GATAD2A: variants seen among roughly 807,000 people sequenced by gnomAD.
GATAD2A encodes transcriptional repressor p66-alpha.
Under a neutral mutation model 68.5 loss-of-function variants are expected in GATAD2A, and 12 were observed. The ratio of observed to expected loss-of-function variants is 0.18; its 90% CI spans 0.11 to 0.28. The LOEUF is 0.28. Among genes scored for constraint, GATAD2A ranks in the 10% least tolerant of loss-of-function variants. GATAD2A has a pLI of 1.00. For synonymous variants in GATAD2A, 410 were observed against 375.3 expected, an observed-to-expected ratio of 1.09 and a Z score of -1.07; for missense variants, 755 against 868.5, an observed-to-expected ratio of 0.87 and a Z score of 1.64.
In GATAD2A at chr19:19,392,179, G is replaced by A. The variant is rs764493045; in HGVS notation, c.-7+6041G>A. Among the ~76,000 whole-genome samples the A allele has an allele frequency of 7.1e-4, 102 of 143,074 alleles. 3 individuals are homozygous for A. Among genetic ancestry groups the A allele is most frequent in the Admixed American group, 4.8e-3 (65 of 13,630 alleles). 93.9% of individuals were successfully genotyped at this position (143,074 alleles called of 152,430 possible). On this transcript the variant is annotated intron_variant, in intron 1 of 11. Transcript: ENST00000360315. ...ACAGTTCACTGCAGCCTCGACTTCCGGGCTCAAGTGATCCTCCCACCTCAG... is the reference window on the plus strand; with the variant it reads ...ACAGTTCACTGCAGCCTCGACTTCCAGGCTCAAGTGATCCTCCCACCTCAG...
chr19:19,407,383 C>G (rs941694128), intron 1 of GATAD2A, among the ~76,000 whole-genome samples: 1 of 152,252 alleles, frequency 6.6e-6, no homozygotes, highest in Admixed American at 6.5e-5. Context: ...CTAAGCTCCC[C>G]TGCACAGACA....
intron 1 of GATAD2A, among the ~76,000 whole-genome samples, chr19:19,407,344 A>G (rs1165870837): frequency 1.3e-5 from 2 of 152,258 alleles, no homozygotes; most frequent in South Asian, 2.1e-4. Context: ...AGCTCATACT[A>G]GCCCTCGGGT....
At chr19:19,392,066 A>G (rs912654228) in intron 1 of GATAD2A, among the ~76,000 whole-genome samples, 21 of 150,418 alleles carry the variant, frequency 1.4e-4, no homozygotes, top group Non-Finnish European at 2.8e-4. Flanking sequence ...TGTCTTTTGA[A>G]TAAGAGTTTT....
intron 1 of GATAD2A, among the ~76,000 whole-genome samples, chr19:19,392,079 CTTTTTTTTTTT>C (rs753791949): frequency 5.6e-5 from 6 of 107,064 alleles, no homozygotes; most frequent in African/African-American, 7.4e-5. Context: ...AGAGTTTTTC[CTTTTTTTTTTT>C]TTTTTTTTTT....
chr19:19,479,831 C>CTTTTTTTTTTT (rs35537344), intron 2 of GATAD2A, among the ~76,000 whole-genome samples: 1 of 85,590 alleles, frequency 1.2e-5, no homozygotes, highest in Non-Finnish European at 2.2e-5. Flanking sequence ...GTGGCCCACT[C>CTTTTTTTTTTT]TTTTTTTTTT....
chr19:19,443,492 C>T (rs961195290), intron 1 of GATAD2A, among the ~76,000 whole-genome samples: 2 of 152,160 alleles, frequency 1.3e-5, no homozygotes, highest in Non-Finnish European at 1.5e-5. Flanking sequence ...AAGGTGGGAT[C>T]ATAGTGTTGT....
At chr19:19,491,640 AACAG>A (rs539597887) in intron 2 of GATAD2A, among the ~76,000 whole-genome samples, 13 of 152,320 alleles carry the variant, frequency 8.5e-5, no homozygotes, top group East Asian at 1.9e-4. Context: ...TCAGTTTCAA[AACAG>A]ACAGCCACTG....
At chr19:19,477,495 G>T (rs150221189) in intron 2 of GATAD2A, among the ~76,000 whole-genome samples, 1 of 152,206 alleles carries the variant, frequency 6.6e-6, no homozygotes, top group East Asian at 1.9e-4. Context: ...GTCTGCAGGC[G>T]GTGTGGGAAG....
chr19:19,415,107 C>A (rs1357039066), intron 1 of GATAD2A, among the ~76,000 whole-genome samples: 6 of 119,304 alleles, frequency 5.0e-5, no homozygotes, highest in Non-Finnish European at 6.7e-5. Context: ...CCCAAAAAAA[C>A]CCCAAAAAAC....
At chr19:19,486,570 G>A (rs769000992) in intron 2 of GATAD2A, among the ~76,000 whole-genome samples, 4 of 152,172 alleles carry the variant, frequency 2.6e-5, no homozygotes, top group African/African-American at 7.2e-5. Flanking sequence ...GGCAGCTCCC[G>A]GCAAACAACT....
intron 1 of GATAD2A, among the ~76,000 whole-genome samples, chr19:19,393,744 C>G (rs2049017554): frequency 6.6e-6 from 1 of 152,150 alleles, no homozygotes; most frequent in African/African-American, 2.4e-5. Context: ...CTCCTGTTTC[C>G]TGTCTCTAAA....
chr19:19,470,445 T>A (rs758039490), intron 2 of GATAD2A, among the ~76,000 whole-genome samples: 2 of 152,146 alleles, frequency 1.3e-5, no homozygotes, highest in African/African-American at 2.4e-5. Flanking sequence ...CGACATTTCA[T>A]ATGATATTTC....
chr19:19,493,566 T>A (rs1258026009), intron 4 of GATAD2A, among the ~76,000 whole-genome samples: 1 of 152,202 alleles, frequency 6.6e-6, no homozygotes, highest in African/African-American at 2.4e-5. Context: ...TTTGTTAGGC[T>A]TTTTGAGTGC....
At chr19:19,477,110 G>GTT (rs1180135736) in intron 2 of GATAD2A, among the ~76,000 whole-genome samples, 1 of 152,162 alleles carries the variant, frequency 6.6e-6, no homozygotes, top group Admixed American at 6.5e-5. Flanking sequence ...GGAAGGCAGG[G>GTT]TAACGCCTGA....
At position 19,416,617 on chromosome 19, in the gene GATAD2A, G is replaced by A. The variant is rs558562718; in HGVS notation, c.-7+10598G>A. On this transcript the variant is annotated intron_variant, in intron 1 of 11. Transcript: ENST00000683918. Reference sequence around the variant, plus strand: ...TACACTCACCTTCTATGAAGTTTAAGATGAAGGGAGCTGCTCTACTCTGTT... The same window carrying A: ...TACACTCACCTTCTATGAAGTTTAAAATGAAGGGAGCTGCTCTACTCTGTT... 2.6e-5 allele frequency among the ~76,000 whole-genome samples: 4 copies of A among 152,302 alleles called. No homozygotes were observed. The East Asian group carries it at 7.7e-4, about 29-fold the overall frequency.
At chr19:19,502,157 C>A in intron 10 of GATAD2A, 114 bp downstream of exon 10, 2 of 902,822 alleles carry the variant, frequency 2.2e-6, no homozygotes, top group Non-Finnish European at 1.7e-6. Context: ...TTCTGTTTCA[C>A]TCTCTCCCCT....
At position 19,410,161 on chromosome 19, in the gene GATAD2A, A is replaced by T. The variant is rs568299675; in HGVS notation, c.-7+4142A>T. Among the ~76,000 whole-genome samples, 236 of 152,216 alleles carry T rather than the reference A, an allele frequency of 1.6e-3. 1 individual carries two copies. Among genetic ancestry groups the T allele is most frequent in the Non-Finnish European group, 2.3e-3 (157 of 68,014 alleles). On this transcript the variant is annotated intron_variant, in intron 1 of 11. Coordinates refer to ENST00000683918, the MANE Select transcript of GATAD2A (RefSeq NM_001384528.1). ...ACCTTCACAGGTGAGTTTGTCAGGGAACTTGCCTTTCTGTCTGATTCCTGA... is the reference window on the plus strand; with the variant it reads ...ACCTTCACAGGTGAGTTTGTCAGGGTACTTGCCTTTCTGTCTGATTCCTGA...
intron 2 of GATAD2A, among the ~76,000 whole-genome samples, chr19:19,471,686 TTAAAAA>T: frequency 1.3e-5 from 2 of 152,378 alleles, no homozygotes; most frequent in South Asian, 4.1e-4. Context: ...AATATGGATG[TTAAAAA>T]TAAATAATTA....
chr19:19,401,030 G>T (rs2049677784), upstream of GATAD2A, among the ~76,000 whole-genome samples: 1 of 151,002 alleles, frequency 6.6e-6, no homozygotes, highest in African/African-American at 2.4e-5. Flanking sequence ...GTGTCAGCTA[G>T]TCCAGAGGCT....
Sources: allele counts gnomAD v4.1 joint callset (sites outside exome capture counted in the v4.1 genomes callset), GRCh38; gene constraint gnomAD v4.1.1; transcripts MANE v1.5; gene names NCBI Gene and HGNC (gene_info 2026-07-23, HGNC 2026-07-21).